The following ZNF205 variants were observed in gnomAD, a reference collection of about 807,000 sequenced individuals.
The protein encoded by ZNF205 is transcriptional repressor RHIT.
In ZNF205, 32 loss-of-function variants were observed where a neutral mutation model predicts 53.6. The observed-to-expected ratio is 0.60, with a 90% CI of 0.45 to 0.80. The LOEUF is 0.80. Among genes scored for constraint, ZNF205 ranks in the 30% least tolerant of loss-of-function variants. The pLI, the probability that ZNF205 is intolerant of heterozygous loss-of-function variation, is 0.00. For missense variants in ZNF205, 836 were observed against 782.4 expected, an observed-to-expected ratio of 1.07 and a Z score of -0.82; for synonymous variants, 382 against 334.3, an observed-to-expected ratio of 1.14 and a Z score of -1.56.
Position 3,116,407 on chromosome 16 carries a change from G to A in ZNF205, c.364-20G>A, listed in dbSNP as rs768367140. On this transcript the variant is annotated intron_variant, in intron 4 of 6. Coordinates refer to ENST00000219091, the MANE Select transcript of ZNF205 (RefSeq NM_001042428.2). ...TGTCCACGTCATGTCCTGGAGAGTG[G>A]ATGTTTCACATTGTTTCAGATGCCA... 2 of 1,613,774 alleles carry A rather than the reference G, an allele frequency of 1.2e-6. No homozygotes were observed.
chr16:3,116,186 G>A, intron 4 of ZNF205: 1 of 656,920 alleles, frequency 1.5e-6, no homozygotes, highest in East Asian at 2.8e-5. Context: ...TGAGGCTGGG[G>A]GCTGCATGGA....
rs868146443 is a variant in ZNF205 at position 3,116,494 on chromosome 16, C to A, written c.431C>A (p.Thr144Lys). The change falls in exon 5 of 7, where the codon ACG (threonine) becomes AAG (lysine). Residue 144 changes from threonine (T) to lysine (K), a missense_variant. Coordinates refer to ENST00000219091, the MANE Select transcript of ZNF205 (RefSeq NM_001042428.2). Reference sequence around the variant, plus strand: ...GAGGAGTGGGGACGGCTGGACCACACGCAGCAGAACTTCTACAGGGATGTC... The same window carrying A: ...GAGGAGTGGGGACGGCTGGACCACAAGCAGCAGAACTTCTACAGGGATGTC... ...SREEWGRLDHTQQNFYRDVLQ... is the reference protein window; with the variant it reads ...SREEWGRLDHKQQNFYRDVLQ... 1.2e-6 allele frequency: 2 copies of A among 1,613,990 alleles called. No homozygotes were observed. Among genetic ancestry groups the A allele is most frequent in the African/African-American group, 1.3e-5 (1 of 74,914 alleles).
At position 3,119,615 on chromosome 16, in the gene ZNF205, T is replaced by A. The variant is rs1194767929; in HGVS notation, c.955T>A (p.Trp319Arg). 6.2e-7 allele frequency: 1 copy of A among 1,610,750 alleles called. No individual in the cohort carries two copies. The highest frequency in any genetic ancestry group is 1.3e-5 in the African/African-American group (1 of 74,832). The change falls in exon 7 of 7, where the codon TGG (tryptophan) becomes AGG (arginine). Residue 319 changes from tryptophan to arginine, a missense_variant. Physicochemically the swap from Trp to Arg is moderately radical, Grantham distance 101. Transcript: ENST00000219091. Reference protein sequence around the residue: ...RCEQCGKGFSWHSHLVTHRRT... With the variant: ...RCEQCGKGFSRHSHLVTHRRT... Reference sequence around the variant, plus strand: ...CGAGCAGTGCGGCAAGGGCTTCAGCTGGCACTCGCACCTGGTGACGCACCG... The same window carrying A: ...CGAGCAGTGCGGCAAGGGCTTCAGCAGGCACTCGCACCTGGTGACGCACCG...
At position 3,119,262 on chromosome 16, in the gene ZNF205, T is replaced by C; in HGVS notation, c.602T>C (p.Val201Ala). The C allele has an allele frequency of 1.3e-6, 2 of 1,575,974 alleles. No homozygotes were observed. Among genetic ancestry groups the C allele is most frequent in the Non-Finnish European group, 1.7e-6 (2 of 1,159,260 alleles). The stretch of plus-strand genomic sequence containing the variant: ...AACGACTTTCTTTTTCCAGGAGCCG[T>C]CGAGGTGGGGCAGAGGGTGCAGACC... ...KEWRGACTGA[V>A]EVGQRVQTSS... Residue 201 changes from valine to alanine, a missense_variant, in exon 7 of 7, where the codon GTC (valine) becomes GCC (alanine). Transcript: ENST00000219091.
rs763302642 is a variant in ZNF205, at chr16:3,118,974, G to A, written c.554G>A (p.Arg185Gln). ...AAGGGTGAGGCCTCGGGCTCCAGCCGGCAGGCAGGAGATGAGAAGGAGTGG... is the reference window on the plus strand; with the variant it reads ...AAGGGTGAGGCCTCGGGCTCCAGCCAGCAGGCAGGAGATGAGAAGGAGTGG... ...HGKGEASGSS[R>Q]QAGDEKEWRG... Residue 185 changes from arginine (R) to glutamine (Q), a missense_variant, in exon 6 of 7, where the codon CGG becomes CAG. Coordinates refer to ENST00000219091, the MANE Select transcript of ZNF205 (RefSeq NM_001042428.2). 1.2e-6 allele frequency: 2 copies of A among 1,613,664 alleles called. No homozygotes were observed. Among genetic ancestry groups the A allele is most frequent in the Non-Finnish European group, 8.5e-7 (1 of 1,179,978 alleles).
At chr16:3,112,915 G>T in intron 1 of ZNF205, 1 of 195,482 alleles carries the variant, frequency 5.1e-6, no homozygotes. Flanking sequence ...GAGCGGGCAG[G>T]TTGATTTCTG....
intron 5 of ZNF205, among the ~76,000 whole-genome samples, chr16:3,117,011 G>T (rs972910031): frequency 6.6e-6 from 1 of 152,122 alleles, no homozygotes; most frequent in African/African-American, 2.4e-5. Context: ...AGCCAGGATG[G>T]TCTCGATCTC....
chr16:3,116,305 G>A, intron 4 of ZNF205, 122 bp from the exon 5 acceptor site: 3 of 1,438,828 alleles, frequency 2.1e-6, no homozygotes, highest in Non-Finnish European at 2.8e-6. Flanking sequence ...AGATGGAAGT[G>A]GCAGGCCTCA....
Position 3,116,520 on chromosome 16 carries a change from C to T in ZNF205, c.457C>T (p.Leu153=), listed in dbSNP as rs774518122. 1 of 1,614,024 alleles carries T rather than the reference C, an allele frequency of 6.2e-7. No individual in the cohort carries two copies. Among genetic ancestry groups the T allele is most frequent in the Non-Finnish European group, 8.5e-7 (1 of 1,179,978 alleles). The change falls in exon 5 of 7, where the codon CTG becomes TTG. Residue 153 remains leucine (L), a synonymous_variant. Transcript: ENST00000219091. ...HTQQNFYRDV[L]QKKNGLSLGF... ...GCAGCAGAACTTCTACAGGGATGTC[C>T]TGCAGAAGAAAAATGGGCTGTCACT... is the stretch of plus-strand genomic sequence containing the variant.
chr16:3,118,049 A>C (rs1957367708), intron 5 of ZNF205, among the ~76,000 whole-genome samples: 1 of 104,854 alleles, frequency 9.5e-6, no homozygotes, highest in African/African-American at 3.7e-5. Flanking sequence ...TTTTTAGTAG[A>C]GATGGGGTTT....
At chr16:3,118,817 A>G in intron 5 of ZNF205, 88 bp from the exon 6 acceptor site, 2 of 1,374,670 alleles carry the variant, frequency 1.5e-6, no homozygotes, top group Non-Finnish European at 2.0e-6. Context: ...CTCACCCCCT[A>G]CTTGGGCCCA....
Position 3,119,707 on chromosome 16 carries a change from G to T in ZNF205, c.1047G>T (p.Ser349=), listed in dbSNP as rs942472417. 2 of 1,613,190 alleles carry T rather than the reference G, an allele frequency of 1.2e-6. No individual in the cohort carries two copies. The highest frequency in any genetic ancestry group is 2.7e-5 in the African/African-American group (2 of 74,800). ...GCGGGAAGCGCTTCGGCCGCAGCTCGCACCTCATCCAGCACCAGATCATCC... is the reference window on the plus strand; with the variant it reads ...GCGGGAAGCGCTTCGGCCGCAGCTCTCACCTCATCCAGCACCAGATCATCC... ...TDCGKRFGRS[S]HLIQHQIIHT... The change falls in exon 7 of 7, where the codon TCG becomes TCT. Residue 349 remains serine (S), a synonymous_variant. Coordinates refer to ENST00000219091, the MANE Select transcript of ZNF205 (RefSeq NM_001042428.2).
At position 3,113,630 on chromosome 16, in the gene ZNF205, A is replaced by C. The variant is rs1038964839; in HGVS notation, c.57+143A>C. On this transcript the variant is annotated intron_variant, in intron 2 of 6. Coordinates refer to ENST00000219091, the MANE Select transcript of ZNF205 (RefSeq NM_001042428.2). ...AAGAGAAGGTGGCATGCTGGGTAGT[A>C]CCCTCTGTCTGGAATTTACAGCATA... 42 of 864,086 alleles carry C rather than the reference A, an allele frequency of 4.9e-5. 1 individual carries two copies. Among genetic ancestry groups the C allele is most frequent in the Admixed American group, 3.9e-4 (13 of 32,952 alleles). The allele number at this position is 864,086 out of a possible 1,614,324, so 53.5% of individuals were successfully genotyped here.
rs2151233323 is a variant in ZNF205 at position 3,120,238 on chromosome 16, C to T, written c.1578C>T (p.His526=). 1 of 1,607,844 alleles carries T rather than the reference C, an allele frequency of 6.2e-7. No homozygotes were observed. The highest frequency in any genetic ancestry group is 1.1e-5 in the South Asian group (1 of 91,038). ...ACCTGCACCGGCACGAGAAGATCCA[C>T]ACCACCGGGCCCAAGGCCCTGGCCA... The part of the protein sequence containing the change: ...RSNLHRHEKI[H]TTGPKALAML... Residue 526 remains histidine (H), a synonymous_variant, in exon 7 of 7, where the codon CAC becomes CAT. Transcript: ENST00000219091.
chr16:3,115,518 C>A lies in ZNF205; in HGVS notation c.221C>A (p.Ala74Glu). ...GGGGCTCAAGGTGCCTGGGGCTGGG[C>A]ACCCCTAAGTCACGGCTCTAAGGAG... ...EDGAQGAWGW[A>E]PLSHGSKEKA... is the part of the protein sequence containing the mutation. The change falls in exon 3 of 7, where the codon GCA becomes GAA. Residue 74 changes from alanine (A) to glutamate (E), a missense_variant. Transcript: ENST00000219091. 1.2e-6 allele frequency: 2 copies of A among 1,602,266 alleles called. No individual in the cohort carries two copies. The highest frequency in any genetic ancestry group is 2.3e-5 in the East Asian group (1 of 44,108).
chr16:3,112,627 C>A lies in ZNF205; in HGVS notation c.-70C>A. On this transcript the variant is annotated 5_prime_UTR_variant, in exon 1 of 7. Transcript: ENST00000219091. ...CGCCCCGTGCAGGCTGTGGAGACTC[C>A]CTTCCCGGGGGAGGGGGCCCCCACT... is the stretch of plus-strand genomic sequence containing the variant. The A allele has an allele frequency of 3.3e-6, 1 of 306,128 alleles. No homozygotes were observed. Among genetic ancestry groups the A allele is most frequent in the Non-Finnish European group, 6.6e-6 (1 of 151,238 alleles). 19.0% of individuals were successfully genotyped at this position (306,128 alleles called of 1,614,324 possible). A position where few individuals can be genotyped will look rare whatever the true frequency, so the allele number is the denominator to read the frequency against.
chr16:3,120,355 A>G lies in ZNF205; in HGVS notation c.*30A>G, dbSNP rs1319485074. On this transcript the variant is annotated 3_prime_UTR_variant, in exon 7 of 7. Coordinates refer to ENST00000219091, the MANE Select transcript of ZNF205 (RefSeq NM_001042428.2). Reference sequence around the variant, plus strand: ...CCAGGAAAGGGGGAGCGGGGCGCCCAGGGCCACTGGAACAGCCCCACTGGA... The same window carrying G: ...CCAGGAAAGGGGGAGCGGGGCGCCCGGGGCCACTGGAACAGCCCCACTGGA... The G allele has an allele frequency of 6.8e-7, 1 of 1,471,510 alleles. No homozygotes were observed. 91.2% of individuals were successfully genotyped at this position (1,471,510 alleles called of 1,614,324 possible).
chr16:3,119,045 G>A lies in ZNF205; in HGVS notation c.595+30G>A, dbSNP rs751451077. ...GGGACGGGCGCGCGCCTTTGTCTGC[G>A]GGAGTGGGGCGCAGACGCAGGCCTT... is the stretch of plus-strand genomic sequence containing the variant. On this transcript the variant is annotated intron_variant, in intron 6 of 6. Transcript: ENST00000219091. The A allele has an allele frequency of 4.4e-6, 7 of 1,606,376 alleles. No individual in the cohort carries two copies. In the East Asian group the frequency reaches 1.3e-4, roughly 31 times the overall value.
rs867873801 is a variant in ZNF205 at position 3,113,438 on chromosome 16, C to T, written c.8C>T (p.Ala3Val). The T allele has an allele frequency of 1.2e-6, 2 of 1,613,234 alleles. No homozygotes were observed. The highest frequency in any genetic ancestry group is 1.3e-5 in the African/African-American group (1 of 74,866). The change falls in exon 2 of 7, where the codon GCA becomes GTA. Residue 3 changes from alanine to valine, a missense_variant. Ala to Val is a moderately conservative substitution (Grantham distance 64). Coordinates refer to ENST00000219091, the MANE Select transcript of ZNF205 (RefSeq NM_001042428.2). ...CTAGCTCTGAAATAGAAAATGTCTG[C>T]AGACGGCGGAGGCATCCAGGACACC... Reference protein sequence around the residue: MSADGGGIQDTQD... With the variant: MSVDGGGIQDTQD...
Sources: allele counts gnomAD v4.1 joint callset (sites outside exome capture counted in the v4.1 genomes callset), GRCh38; gene constraint gnomAD v4.1.1; transcripts MANE v1.5; gene names NCBI Gene and HGNC (gene_info 2026-07-23, HGNC 2026-07-21).